The following PLD1 variants were observed in gnomAD, a reference collection of about 807,000 sequenced individuals.
The protein encoded by PLD1 is phospholipase D1.
A neutral mutation model predicts 137.1 loss-of-function variants in PLD1; 112 were observed. That is an observed-to-expected ratio of 0.82 (90% CI 0.70 to 0.96). The LOEUF (loss-of-function observed/expected upper bound fraction) is 0.96. PLD1 is among the 40% of genes least tolerant of loss of function. The probability of loss-of-function intolerance (pLI) is 0.00; values close to 1 mark genes in which losing one functional copy is unlikely to be tolerated. For missense variants in PLD1, 1,321 were observed against 1,342.0 expected (o/e 0.98, Z 0.24); for synonymous variants, 431 against 454.7 (o/e 0.95, Z 0.66).
chr3:171,691,576 C>A (rs7355994), intron 13 of PLD1, among the ~76,000 whole-genome samples: 26,885 of 152,118 alleles, frequency 0.18, 2,510 homozygotes, highest in South Asian at 0.24. Context: ...ACATACAAAT[C>A]TCTGCTCCTT....
chr3:171,793,208 T>C (rs953256491), intron 1 of PLD1: 1 of 152,378 alleles, frequency 6.6e-6, no homozygotes, highest in African/African-American at 2.4e-5. Context: ...ATAACTCCAG[T>C]GGTATTCTGG....
rs780459684 is a variant in PLD1 at position 171,620,740 on chromosome 3, C to CTA, written c.2594-221_2594-220insTA. ...GCTTTCTCTCTCTCTCTCTCTCTCT[C>CTA]TCTATATATATATATATATATATAT... On this transcript the variant is annotated intron_variant, in intron 23 of 26. Coordinates refer to ENST00000351298, the MANE Select transcript of PLD1 (RefSeq NM_002662.5). 4.4e-3 allele frequency among the ~76,000 whole-genome samples: 353 copies of CTA among 80,432 alleles called. 5 individuals are homozygous for CTA. Among genetic ancestry groups the CTA allele is most frequent in the Admixed American group, 0.022 (179 of 8,084 alleles). 52.8% of individuals were successfully genotyped at this position (80,432 alleles called of 152,430 possible).
chr3:171,759,303 A>C (rs1372901138), intron 1 of PLD1, among the ~76,000 whole-genome samples: 1 of 152,196 alleles, frequency 6.6e-6, no homozygotes, highest in Middle Eastern at 3.2e-3. Flanking sequence ...AACTCCACCT[A>C]TAAAAGTCAT....
chr3:171,668,556 C>T (rs1288658920), intron 19 of PLD1, among the ~76,000 whole-genome samples: 4 of 151,904 alleles, frequency 2.6e-5, no homozygotes, highest in African/African-American at 9.7e-5. Flanking sequence ...TCCTCTCTCC[C>T]TCTCTCCTTT....
chr3:171,609,596 T>C (rs1037667084), intron 25 of PLD1, among the ~76,000 whole-genome samples: 4 of 151,926 alleles, frequency 2.6e-5, no homozygotes, highest in African/African-American at 9.7e-5. Flanking sequence ...TGAAATCATG[T>C]ATTTTGTAGC....
intron 8 of PLD1, 100 bp downstream of exon 8, chr3:171,724,596 T>C: frequency 1.4e-6 from 1 of 709,652 alleles, no homozygotes; most frequent in South Asian, 1.6e-5. Flanking sequence ...TGTTCTGCCA[T>C]TGCTTTTAAA....
At chr3:171,662,837 CAGGAA>C (rs1248335050) in intron 19 of PLD1, among the ~76,000 whole-genome samples, 1 of 152,220 alleles carries the variant, frequency 6.6e-6, no homozygotes, top group East Asian at 1.9e-4. Context: ...AAATTAATCA[CAGGAA>C]AGAGAACTGG....
intron 21 of PLD1, among the ~76,000 whole-genome samples, chr3:171,647,697 G>A (rs761716579): frequency 1.6e-4 from 24 of 152,110 alleles, no homozygotes; most frequent in African/African-American, 5.3e-4. Flanking sequence ...GATCCGCCTC[G>A]GCCTCCCAAA....
chr3:171,695,145 G>A (rs925695865), intron 12 of PLD1, among the ~76,000 whole-genome samples: 2 of 152,120 alleles, frequency 1.3e-5, no homozygotes, highest in African/African-American at 4.8e-5. Flanking sequence ...TCATTCCTTG[G>A]GGATGAAGGC....
intron 8 of PLD1, among the ~76,000 whole-genome samples, chr3:171,717,978 G>T (rs1182209956): frequency 6.6e-6 from 1 of 152,182 alleles, no homozygotes; most frequent in East Asian, 1.9e-4. Context: ...CATCTATTGA[G>T]ATAATCAGGT....
chr3:171,688,980 A>G, intron 13 of PLD1, 104 bp from the exon 14 acceptor site: 1 of 778,812 alleles, frequency 1.3e-6, no homozygotes, highest in Non-Finnish European at 2.2e-6. Flanking sequence ...CTATAATTCA[A>G]ATACCAAACT....
chr3:171,744,262 C>T (rs1417399784), intron 1 of PLD1, among the ~76,000 whole-genome samples: 1 of 152,210 alleles, frequency 6.6e-6, no homozygotes, highest in African/African-American at 2.4e-5. Flanking sequence ...AGCTCTCAGC[C>T]TGGCTCTGGC....
intron 1 of PLD1, among the ~76,000 whole-genome samples, chr3:171,754,634 A>C (rs1157275616): frequency 6.6e-6 from 1 of 152,238 alleles, no homozygotes; most frequent in Non-Finnish European, 1.5e-5. Flanking sequence ...AGAATTGAAG[A>C]TAAGTCAATT....
chr3:171,628,582 C>T (rs1362542586), intron 23 of PLD1, among the ~76,000 whole-genome samples: 1 of 152,016 alleles, frequency 6.6e-6, no homozygotes, highest in Non-Finnish European at 1.5e-5. Flanking sequence ...AGAACAATAT[C>T]CTTGATGAAC....
chr3:171,738,706 C>T (rs929023526), intron 1 of PLD1, among the ~76,000 whole-genome samples: 26 of 152,088 alleles, frequency 1.7e-4, no homozygotes, highest in African/African-American at 5.6e-4. Context: ...ATACCTATTC[C>T]GAAAGACATC....
intron 1 of PLD1, among the ~76,000 whole-genome samples, chr3:171,759,301 CT>C (rs1222238463): frequency 2.0e-5 from 3 of 152,124 alleles, no homozygotes; most frequent in African/African-American, 7.2e-5. Flanking sequence ...ATAACTCCAC[CT>C]ATAAAAGTCA....
At chr3:171,634,916 T>G (rs1734978237) in intron 23 of PLD1, among the ~76,000 whole-genome samples, 1 of 152,018 alleles carries the variant, frequency 6.6e-6, no homozygotes, top group Non-Finnish European at 1.5e-5. Context: ...AACCCCACAC[T>G]CATTAACAGT....
chr3:171,620,777 A>AT (rs200988699), intron 23 of PLD1, among the ~76,000 whole-genome samples: 73 of 127,022 alleles, frequency 5.7e-4, no homozygotes, highest in Admixed American at 1.0e-3. Context: ...TATTATATAT[A>AT]TTTTTTTTTT....
intron 23 of PLD1, among the ~76,000 whole-genome samples, chr3:171,631,050 TA>T (rs1227406052): frequency 1.3e-5 from 2 of 151,604 alleles, no homozygotes; most frequent in Middle Eastern, 3.4e-3. Context: ...GCTGAATAAT[TA>T]AAAAAAACTC....
Sources: gnomAD v4.1 joint callset for allele counts (sites outside exome capture counted in the v4.1 genomes callset) on GRCh38, gnomAD v4.1.1 for gene constraint, MANE v1.5 for transcripts, NCBI Gene and HGNC (gene_info 2026-07-23, HGNC 2026-07-21) for gene names.